Variants in ENHO observed in about 807,000 individuals in gnomAD.
ENHO encodes the protein adropin.
ENHO carries 5 observed loss-of-function variants against 4.1 expected under a neutral mutation model. The ratio of observed to expected loss-of-function variants is 1.23; its 90% CI spans 0.64 to 2.58. The LOEUF (loss-of-function observed/expected upper bound fraction) is 2.58. Among genes scored for constraint, ENHO ranks in the 30% most tolerant of loss-of-function variants. The pLI, the probability that ENHO is intolerant of heterozygous loss-of-function variation, is 0.01. For missense variants in ENHO, 86 were observed against 97.7 expected, an observed-to-expected ratio of 0.88 and a Z score of 0.51; for synonymous variants, 45 against 42.9, an observed-to-expected ratio of 1.05 and a Z score of -0.19.
chr9:34,521,476 G>A lies in ENHO; in HGVS notation c.220C>T (p.Leu74=). 1 of 1,612,516 alleles carries A rather than the reference G, an allele frequency of 6.2e-7. No individual in the cohort carries two copies. Among genetic ancestry groups the A allele is most frequent in the Non-Finnish European group, 8.5e-7 (1 of 1,179,470 alleles). ...TAGGCCAGGGGCCTTCAGGGCTGCA[G>A]CAGGTAGCTGCCTTCATGGCTGGGC... is the stretch of plus-strand genomic sequence containing the variant. The part of the protein sequence containing the change: ...QKPSHEGSYL[L]QP The change falls in exon 2 of 2, where the codon CTG becomes TTG. Residue 74 remains leucine (L), a synonymous_variant. Transcript: ENST00000399775.
Position 34,521,564 on chromosome 9 carries a change from G to A in ENHO, c.132C>T (p.Leu44=). ...CHSRSADVDS[L]SESSPNSSPG... The stretch of plus-strand genomic sequence containing the variant: ...GGCTGGAGTTGGGACTGGATTCAGA[G>A]AGAGAGTCAACGTCGGCAGAGCGAG... Residue 44 remains leucine, a synonymous_variant, in exon 2 of 2, where the codon CTC becomes CTT. Transcript: ENST00000399775. 3 of 1,614,088 alleles carry A rather than the reference G, an allele frequency of 1.9e-6. No individual in the cohort carries two copies. Among genetic ancestry groups the A allele is most frequent in the Non-Finnish European group, 1.7e-6 (2 of 1,180,034 alleles).
chr9:34,522,914 C>T lies in ENHO; in HGVS notation c.-299G>A, dbSNP rs1317945092. 2.6e-5 allele frequency: 4 copies of T among 151,194 alleles called. No individual in the cohort carries two copies. The highest frequency in any genetic ancestry group is 2.0e-4 in the East Asian group (1 of 5,096). The allele number at this position is 151,194 out of a possible 1,614,324, so 9.4% of individuals were successfully genotyped here. A position where few individuals can be genotyped will look rare whatever the true frequency, so the allele number is the denominator to read the frequency against. ...AGAGGCGACGTCCGCTCCCCCGGCC[C>T]TCCCCCTCGGCCGCGCAGCCTCCAC... On this transcript the variant is annotated 5_prime_UTR_variant, in exon 1 of 2. Coordinates refer to ENST00000399775, the MANE Select transcript of ENHO (RefSeq NM_198573.3). This position sits in a 1 kb window ranked among gnomAD's most constrained non-coding sequence, Gnocchi z 4.2.
chr9:34,521,321 G>C lies in ENHO; in HGVS notation c.*144C>G, dbSNP rs1825277324. On this transcript the variant is annotated 3_prime_UTR_variant, in exon 2 of 2. Transcript: ENST00000399775. ...CTGAGCTCCTATTGGAGCCAAGCTG[G>C]CTAGACTCTGGGCCGCTGGGTCCAG... 3.7e-6 allele frequency: 3 copies of C among 808,968 alleles called. No individual in the cohort carries two copies. Among genetic ancestry groups the C allele is most frequent in the African/African-American group, 1.7e-5 (1 of 59,368 alleles). 50.1% of individuals were successfully genotyped at this position (808,968 alleles called of 1,614,324 possible). A position where few individuals can be genotyped will look rare whatever the true frequency, so the allele number is the denominator to read the frequency against.
At position 34,521,158 on chromosome 9, in the gene ENHO, G is replaced by T. The variant is rs1564046291; in HGVS notation, c.*307C>A. ...TCCAGTTTGCTTCCCCAGCCTAGAG[G>T]GCCTAGAGGTGCTCAGCCTAGGGAA... On this transcript the variant is annotated 3_prime_UTR_variant, in exon 2 of 2. Transcript: ENST00000399775. 3.7e-6 allele frequency: 2 copies of T among 535,420 alleles called. No individual in the cohort carries two copies. The highest frequency in any genetic ancestry group is 6.7e-6 in the Non-Finnish European group (2 of 296,386). The allele number at this position is 535,420 out of a possible 1,614,324, so 33.2% of individuals were successfully genotyped here.
chr9:34,521,622 A>T lies in ENHO; in HGVS notation c.74T>A (p.Leu25Gln). The T allele has an allele frequency of 6.2e-7, 1 of 1,614,028 alleles. No homozygotes were observed. The highest frequency in any genetic ancestry group is 8.5e-7 in the Non-Finnish European group (1 of 1,180,020). Residue 25 changes from leucine to glutamine, a missense_variant, in exon 2 of 2, where the codon CTG becomes CAG. Physicochemically the swap from Leu to Gln is moderately radical, Grantham distance 113. Coordinates refer to ENST00000399775, the MANE Select transcript of ENHO (RefSeq NM_198573.3). Reference sequence around the variant, plus strand: ...GGCCCAGCAGAGGATGACCCAGAGCAGCAGCAGCAAGAAGCCCACGAGACC... The same window carrying T: ...GGCCCAGCAGAGGATGACCCAGAGCTGCAGCAGCAAGAAGCCCACGAGACC... ...CNGLVGFLLL[L>Q]LWVILCWACH... is the part of the protein sequence containing the mutation.
chr9:34,521,864 G>C lies in ENHO; in HGVS notation c.-161-8C>G. On this transcript the variant is annotated splice_polypyrimidine_tract_variant and splice_region_variant and intron_variant, in intron 1 of 1. Transcript: ENST00000399775. The stretch of plus-strand genomic sequence containing the variant: ...CTACCTGCAGTCCTGAGCCTGTTGG[G>C]GGTATACAGTAAAGGAGAGGGTGGT... 1.6e-6 allele frequency: 1 copy of C among 640,728 alleles called. No homozygotes were observed. The highest frequency in any genetic ancestry group is 2.8e-6 in the Non-Finnish European group (1 of 356,526). The allele number at this position is 640,728 out of a possible 1,614,324, so 39.7% of individuals were successfully genotyped here.
Position 34,522,326 on chromosome 9 carries a change from C to G in ENHO, c.-162+451G>C, listed in dbSNP as rs1427859314. 1 of 152,620 alleles carries G rather than the reference C, an allele frequency of 6.6e-6. No individual in the cohort carries two copies. Among genetic ancestry groups the G allele is most frequent in the African/African-American group, 2.4e-5 (1 of 41,464 alleles). 9.5% of individuals were successfully genotyped at this position (152,620 alleles called of 1,614,324 possible). On this transcript the variant is annotated intron_variant, in intron 1 of 1. Transcript: ENST00000399775. The surrounding 1 kb of genome is among the most constrained non-coding windows in gnomAD (Gnocchi z 4.2). ...GCACAGAGGGAACTTTGTGGAGGCCCTGGCAGGCATGTGCAGGCTCTGTGC... is the reference window on the plus strand; with the variant it reads ...GCACAGAGGGAACTTTGTGGAGGCCGTGGCAGGCATGTGCAGGCTCTGTGC...
chr9:34,521,343 C>G lies in ENHO; in HGVS notation c.*122G>C. 1 of 953,034 alleles carries G rather than the reference C, an allele frequency of 1.0e-6. No individual in the cohort carries two copies. Among genetic ancestry groups the G allele is most frequent in the Non-Finnish European group, 1.6e-6 (1 of 609,954 alleles). 59.0% of individuals were successfully genotyped at this position (953,034 alleles called of 1,614,324 possible). A position where few individuals can be genotyped will look rare whatever the true frequency, so the allele number is the denominator to read the frequency against. On this transcript the variant is annotated 3_prime_UTR_variant, in exon 2 of 2. Coordinates refer to ENST00000399775, the MANE Select transcript of ENHO (RefSeq NM_198573.3). ...CTGGCTAGACTCTGGGCCGCTGGGT[C>G]CAGCTCCAAGCAGGCGGACTCTTGA...
rs1825275815 is a variant in ENHO, at chr9:34,521,241, C to G, written c.*224G>C. 1.5e-6 allele frequency: 1 copy of G among 672,298 alleles called. No homozygotes were observed. Among genetic ancestry groups the G allele is most frequent in the South Asian group, 1.6e-5 (1 of 63,794 alleles). 41.6% of individuals were successfully genotyped at this position (672,298 alleles called of 1,614,324 possible). A position where few individuals can be genotyped will look rare whatever the true frequency, so the allele number is the denominator to read the frequency against. ...GGGATGGAGCATAGTCCAGATGGCCCTGGCTCTAGCACCAACTCATAAGCC... is the reference window on the plus strand; with the variant it reads ...GGGATGGAGCATAGTCCAGATGGCCGTGGCTCTAGCACCAACTCATAAGCC... On this transcript the variant is annotated 3_prime_UTR_variant, in exon 2 of 2. Coordinates refer to ENST00000399775, the MANE Select transcript of ENHO (RefSeq NM_198573.3).
Position 34,521,104 on chromosome 9 carries a change from C to T in ENHO, c.*361G>A. The T allele has an allele frequency of 1.9e-6, 1 of 518,932 alleles. No homozygotes were observed. The highest frequency in any genetic ancestry group is 2.1e-5 in the South Asian group (1 of 48,686). The allele number at this position is 518,932 out of a possible 1,614,324, so 32.1% of individuals were successfully genotyped here. A position where few individuals can be genotyped will look rare whatever the true frequency, so the allele number is the denominator to read the frequency against. The stretch of plus-strand genomic sequence containing the variant: ...GGGAGGACCAGGGGAGGGGCCCAGC[C>T]TGGACACCCTCCTATTATTGCCATG... On this transcript the variant is annotated 3_prime_UTR_variant, in exon 2 of 2. Transcript: ENST00000399775.
In ENHO at chr9:34,521,401, T is replaced by TC. The variant is rs765234440; in HGVS notation, c.*63dup. The stretch of plus-strand genomic sequence containing the variant: ...ACCCCAGGCTGGCTGAACTCTGGGA[T>TC]CCTAATTCCAGGCTCTAGGTGAGGT... On this transcript the variant is annotated 3_prime_UTR_variant, in exon 2 of 2. Coordinates refer to ENST00000399775, the MANE Select transcript of ENHO (RefSeq NM_198573.3). 6.9e-7 allele frequency: 1 copy of TC among 1,452,164 alleles called. No individual in the cohort carries two copies. The highest frequency in any genetic ancestry group is 9.6e-7 in the Non-Finnish European group (1 of 1,043,876). The allele number at this position is 1,452,164 out of a possible 1,614,324, so 90.0% of individuals were successfully genotyped here.
rs1254887336 is a variant in ENHO at position 34,522,078 on chromosome 9, G to GCAGTAGGCAGCCGTCATCT, written c.-161-241_-161-223dup. Among the ~76,000 whole-genome samples the GCAGTAGGCAGCCGTCATCT allele has an allele frequency of 1.7e-4, 26 of 152,168 alleles. No homozygotes were observed. Among genetic ancestry groups the GCAGTAGGCAGCCGTCATCT allele is most frequent in the Non-Finnish European group, 3.1e-4 (21 of 68,022 alleles). On this transcript the variant is annotated intron_variant, in intron 1 of 1. Transcript: ENST00000399775. This position sits in a 1 kb window ranked among gnomAD's most constrained non-coding sequence, Gnocchi z 4.2. The stretch of plus-strand genomic sequence containing the variant: ...AGTGTGTAGCCACCGTGGGGAAGCT[G>GCAGTAGGCAGCCGTCATCT]CAGTAGGCAGCCGTCATCTCATTCT...
In ENHO at chr9:34,521,797, G is replaced by A; in HGVS notation, c.-102C>T. The A allele has an allele frequency of 9.9e-7, 1 of 1,005,458 alleles. No individual in the cohort carries two copies. The highest frequency in any genetic ancestry group is 1.5e-5 in the South Asian group (1 of 66,956). The allele number at this position is 1,005,458 out of a possible 1,614,324, so 62.3% of individuals were successfully genotyped here. The stretch of plus-strand genomic sequence containing the variant: ...GTATGGCCGGCCTTCAGAGGAGGCT[G>A]TGCTGTCTGCACGCTCAGTGATTCC... On this transcript the variant is annotated 5_prime_UTR_variant, in exon 2 of 2. Coordinates refer to ENST00000399775, the MANE Select transcript of ENHO (RefSeq NM_198573.3).
chr9:34,521,895 G>C (rs1229669728), intron 1 of ENHO, 39 bp from the exon 2 acceptor site: 7 of 601,794 alleles, frequency 1.2e-5, no homozygotes, highest in Non-Finnish European at 1.8e-5. Context: ...GTGGTGAGGA[G>C]GAAGGGTGGG....
chr9:34,521,701 G>A lies in ENHO; in HGVS notation c.-6C>T, dbSNP rs1383116807. The A allele has an allele frequency of 2.3e-5, 37 of 1,611,128 alleles. No homozygotes were observed. The highest frequency in any genetic ancestry group is 3.1e-5 in the Non-Finnish European group (37 of 1,178,336). Reference sequence around the variant, plus strand: ...TGGGAGATGGCTGCCCCCATGACAGGCAGCACCCTCAGACCAGCACAGACA... The same window carrying A: ...TGGGAGATGGCTGCCCCCATGACAGACAGCACCCTCAGACCAGCACAGACA... On this transcript the variant is annotated 5_prime_UTR_variant, in exon 2 of 2. Transcript: ENST00000399775.
chr9:34,521,339 G>A lies in ENHO; in HGVS notation c.*126C>T. The A allele has an allele frequency of 2.2e-6, 2 of 915,680 alleles. No individual in the cohort carries two copies. The highest frequency in any genetic ancestry group is 2.0e-5 in the Admixed American group (1 of 50,582). The allele number at this position is 915,680 out of a possible 1,614,324, so 56.7% of individuals were successfully genotyped here. ...CAAGCTGGCTAGACTCTGGGCCGCT[G>A]GGTCCAGCTCCAAGCAGGCGGACTC... is the stretch of plus-strand genomic sequence containing the variant. On this transcript the variant is annotated 3_prime_UTR_variant, in exon 2 of 2. Transcript: ENST00000399775.
Position 34,521,087 on chromosome 9 carries a change from C to A in ENHO, c.*378G>T, listed in dbSNP as rs1825272963. Reference sequence around the variant, plus strand: ...ATTATCCAGCAAACACTGGGAGGACCAGGGGAGGGGCCCAGCCTGGACACC... The same window carrying A: ...ATTATCCAGCAAACACTGGGAGGACAAGGGGAGGGGCCCAGCCTGGACACC... On this transcript the variant is annotated 3_prime_UTR_variant, in exon 2 of 2. Coordinates refer to ENST00000399775, the MANE Select transcript of ENHO (RefSeq NM_198573.3). The A allele has an allele frequency of 1.9e-6, 1 of 520,244 alleles. No individual in the cohort carries two copies. The highest frequency in any genetic ancestry group is 3.5e-6 in the Non-Finnish European group (1 of 287,260). The allele number at this position is 520,244 out of a possible 1,614,324, so 32.2% of individuals were successfully genotyped here. A position where few individuals can be genotyped will look rare whatever the true frequency, so the allele number is the denominator to read the frequency against.
In ENHO at chr9:34,521,287, T is replaced by G. The variant is rs551721224; in HGVS notation, c.*178A>C. 1.4e-5 allele frequency: 10 copies of G among 717,286 alleles called. No homozygotes were observed. In the South Asian group the frequency reaches 1.5e-4, roughly 11 times the overall value. 44.4% of individuals were successfully genotyped at this position (717,286 alleles called of 1,614,324 possible). On this transcript the variant is annotated 3_prime_UTR_variant, in exon 2 of 2. Coordinates refer to ENST00000399775, the MANE Select transcript of ENHO (RefSeq NM_198573.3). ...AAGCCCCCACCCCAGGCCCATCTCC[T>G]TAGGGCCACTGAGCTCCTATTGGAG...
Position 34,521,424 on chromosome 9 carries a change from G to C in ENHO, c.*41C>G. On this transcript the variant is annotated 3_prime_UTR_variant, in exon 2 of 2. Coordinates refer to ENST00000399775, the MANE Select transcript of ENHO (RefSeq NM_198573.3). ...GATCCTAATTCCAGGCTCTAGGTGA[G>C]GTGGACTTAGGTCCTGGGCTCCAGG... The C allele has an allele frequency of 6.5e-7, 1 of 1,544,436 alleles. No individual in the cohort carries two copies. Among genetic ancestry groups the C allele is most frequent in the South Asian group, 1.1e-5 (1 of 89,648 alleles).
Sources: allele counts gnomAD v4.1 joint callset (sites outside exome capture counted in the v4.1 genomes callset), GRCh38; gene constraint gnomAD v4.1.1; non-coding constraint Gnocchi (gnomAD v3.1); transcripts MANE v1.5; gene names NCBI Gene and HGNC (gene_info 2026-07-23, HGNC 2026-07-21).